Variants in ALG5 observed in about 807,000 individuals in gnomAD.
ALG5 encodes ALG5 dolichyl-phosphate beta-glucosyltransferase, also known as dolichyl-phosphate beta-glucosyltransferase.
ALG5 carries 26 observed loss-of-function variants against 51.8 expected under a neutral mutation model. The observed-to-expected ratio is 0.50, with a 90% confidence interval of 0.37 to 0.70. ALG5 has a LOEUF of 0.70. ALG5 is among the 30% of genes least tolerant of loss of function. ALG5 has a pLI of 0.00. For synonymous variants in ALG5, 141 were observed against 136.1 expected, an observed-to-expected ratio of 1.04 and a Z score of -0.25; for missense variants, 311 against 399.3, an observed-to-expected ratio of 0.78 and a Z score of 1.88.
intron 8 of ALG5, among the ~76,000 whole-genome samples, chr13:36,955,236 C>T (rs1458089070): frequency 5.9e-5 from 9 of 152,188 alleles, no homozygotes; most frequent in South Asian, 2.1e-4. Flanking sequence ...CTTTCTCACA[C>T]GTAGCTCTGC....
chr13:36,960,941 G>A (rs1308804570), intron 8 of ALG5, among the ~76,000 whole-genome samples: 1 of 151,800 alleles, frequency 6.6e-6, no homozygotes, highest in African/African-American at 2.4e-5. Context: ...CACTACACCT[G>A]GCCCAAGTAT....
At chr13:36,968,620 G>C (rs1251575022) in intron 7 of ALG5, among the ~76,000 whole-genome samples, 3 of 152,218 alleles carry the variant, frequency 2.0e-5, no homozygotes, top group African/African-American at 7.2e-5. Flanking sequence ...AGAGGTGGTA[G>C]AATAATTGAG....
intron 1 of ALG5, among the ~76,000 whole-genome samples, chr13:36,996,492 C>CT (rs1196863789): frequency 3.3e-5 from 5 of 152,078 alleles, no homozygotes; most frequent in Non-Finnish European, 5.9e-5. Context: ...AAGGGCTGTG[C>CT]TGAAAGGACA....
chr13:36,989,186 T>G (rs1305911705), intron 5 of ALG5, among the ~76,000 whole-genome samples: 6 of 152,202 alleles, frequency 3.9e-5, no homozygotes, highest in Admixed American at 2.6e-4. Context: ...AAACATTTTT[T>G]AAACTGCAAA....
chr13:36,975,294 A>G (rs772661262), intron 6 of ALG5, among the ~76,000 whole-genome samples: 2 of 151,780 alleles, frequency 1.3e-5, no homozygotes, highest in Non-Finnish European at 2.9e-5. Context: ...GACCTCTTTA[A>G]ATTTTTTTCT....
chr13:36,967,150 G>A (rs908668785), intron 7 of ALG5, among the ~76,000 whole-genome samples: 3 of 150,976 alleles, frequency 2.0e-5, no homozygotes, highest in African/African-American at 7.3e-5. Context: ...TTGAACTTGG[G>A]AGGCACAGGT....
At chr13:36,992,142 A>C (rs1360884630) in intron 4 of ALG5, among the ~76,000 whole-genome samples, 1 of 152,234 alleles carries the variant, frequency 6.6e-6, no homozygotes. Context: ...TTATTATCTA[A>C]GCCACTCTAT....
intron 1 of ALG5, 33 bp from the exon 2 acceptor site, chr13:36,995,629 A>G: frequency 6.3e-7 from 1 of 1,576,404 alleles, no homozygotes; most frequent in Non-Finnish European, 8.6e-7. Context: ...TTTACAAAAC[A>G]GAAATTATGT....
rs2059035738 is a variant in ALG5, at chr13:36,993,700, A to G, written c.286-28T>C. The G allele has an allele frequency of 8.2e-6, 13 of 1,591,452 alleles. 1 individual carries two copies. Among genetic ancestry groups the G allele is most frequent in the Non-Finnish European group, 1.1e-5 (13 of 1,161,682 alleles). ...GCAAGAAACAAAAATAAAGTAATAC[A>G]ATTTGGCATAACTGCCATAAAGTAT... On this transcript the variant is annotated intron_variant, in intron 3 of 9. Transcript: ENST00000239891.
chr13:36,958,730 C>T (rs978039128), intron 8 of ALG5, among the ~76,000 whole-genome samples: 1 of 152,140 alleles, frequency 6.6e-6, no homozygotes, highest in Non-Finnish European at 1.5e-5. Flanking sequence ...CCGCATCTAC[C>T]TTTAAACATG....
intron 8 of ALG5, among the ~76,000 whole-genome samples, chr13:36,959,860 G>A (rs2058857924): frequency 6.6e-6 from 1 of 151,826 alleles, no homozygotes; most frequent in Non-Finnish European, 1.5e-5. Context: ...GTATAAATAA[G>A]GAAATGGAGA....
In ALG5 at chr13:36,958,392, TA is replaced by T. The variant is rs532503201; in HGVS notation, c.774-5794del. Among the ~76,000 whole-genome samples the T allele has an allele frequency of 3.5e-3, 534 of 152,288 alleles. 3 individuals are homozygous for T. In the Middle Eastern group the frequency reaches 0.044, roughly 13 times the overall value. ...ATCCCTGTATTTTTAACCTCCTTGTTAAGTTTGTCTCTTCCAGAATTGAAGC... is the reference window on the plus strand; with the variant it reads ...ATCCCTGTATTTTTAACCTCCTTGTTAGTTTGTCTCTTCCAGAATTGAAGC... On this transcript the variant is annotated intron_variant, in intron 8 of 9. Coordinates refer to ENST00000239891, the MANE Select transcript of ALG5 (RefSeq NM_013338.5).
chr13:36,958,146 CT>C (rs958626647), intron 8 of ALG5, among the ~76,000 whole-genome samples: 7 of 152,088 alleles, frequency 4.6e-5, no homozygotes, highest in African/African-American at 1.7e-4. Context: ...ATGGCCTTCC[CT>C]TGTCATATTT....
At chr13:36,989,410 A>T in intron 5 of ALG5, 74 bp downstream of exon 5, 1 of 1,115,608 alleles carries the variant, frequency 9.0e-7, no homozygotes, top group Non-Finnish European at 1.3e-6. Context: ...CAGTGGGCAA[A>T]CATACAAGTC....
chr13:36,985,932 T>C (rs1405168140), intron 5 of ALG5, among the ~76,000 whole-genome samples, 192 bp from the exon 6 acceptor site: 1 of 152,214 alleles, frequency 6.6e-6, no homozygotes, highest in Non-Finnish European at 1.5e-5. Flanking sequence ...TTGCCTATCT[T>C]CATTATTTTA....
At chr13:36,979,020 C>CTTAT (rs1397945009) in intron 6 of ALG5, among the ~76,000 whole-genome samples, 3 of 151,430 alleles carry the variant, frequency 2.0e-5, no homozygotes, top group African/African-American at 7.3e-5. Context: ...CATACATTTC[C>CTTAT]TTATTTATTT....
rs537557498 is a variant in ALG5 at position 36,958,576 on chromosome 13, C to T, written c.774-5977G>A. On this transcript the variant is annotated intron_variant, in intron 8 of 9. Coordinates refer to ENST00000239891, the MANE Select transcript of ALG5 (RefSeq NM_013338.5). ...AATCTCAACTGCATGACCCCTACTACGCCCCAATTCAGCAGGAAGCGGTTA... is the reference window on the plus strand; with the variant it reads ...AATCTCAACTGCATGACCCCTACTATGCCCCAATTCAGCAGGAAGCGGTTA... Among the ~76,000 whole-genome samples, 51 of 152,270 alleles carry T rather than the reference C, an allele frequency of 3.3e-4. 1 individual carries two copies. Among genetic ancestry groups the T allele is most frequent in the African/African-American group, 1.0e-3 (42 of 41,568 alleles).
In ALG5 at chr13:36,971,184, T is replaced by G. The variant is rs553651241; in HGVS notation, c.621+793A>C. On this transcript the variant is annotated intron_variant, in intron 7 of 9. Coordinates refer to ENST00000239891, the MANE Select transcript of ALG5 (RefSeq NM_013338.5). ...AATTGAACATCTTTAGTGACATTTT[T>G]ACACCCTAAAAGGGCAGTTGCAAAC... 3.3e-5 allele frequency among the ~76,000 whole-genome samples: 5 copies of G among 152,284 alleles called. No individual in the cohort carries two copies. The East Asian group carries it at 9.7e-4, about 29-fold the overall frequency.
In ALG5 at chr13:36,985,651, C is replaced by CCCCTTTTCTA; in HGVS notation, c.527_536dup (p.Leu180ArgfsTer6). ...CAGGCCAAGGCTGTAGATCATTTAG[C>CCCCTTTTCTA]CCCTTTTCTAATTTCTCAACATCTG... On this transcript the variant is annotated frameshift_variant, in exon 6 of 10. Coordinates refer to ENST00000239891, the MANE Select transcript of ALG5 (RefSeq NM_013338.5). LOFTEE classifies it high-confidence loss of function. The CCCCTTTTCTA allele has an allele frequency of 1.2e-6, 2 of 1,613,498 alleles. No homozygotes were observed. The highest frequency in any genetic ancestry group is 1.7e-6 in the Non-Finnish European group (2 of 1,179,736).
Sources: allele counts gnomAD v4.1 joint callset (sites outside exome capture counted in the v4.1 genomes callset), GRCh38; gene constraint gnomAD v4.1.1; transcripts MANE v1.5; gene names NCBI Gene and HGNC (gene_info 2026-07-23, HGNC 2026-07-21).